STK3: variants seen among roughly 807,000 people sequenced by gnomAD.
STK3 encodes serine/threonine-protein kinase 3.
Under a neutral mutation model 58.0 loss-of-function variants are expected in STK3, and 41 were observed. The observed-to-expected ratio is 0.71, with a 90% CI of 0.55 to 0.92. The LOEUF (loss-of-function observed/expected upper bound fraction) is 0.92. Ranked by LOEUF, STK3 falls within the 40% of genes least tolerant of loss-of-function variation. The pLI is 0.00. For synonymous variants in STK3, 170 were observed against 191.0 expected, an observed-to-expected ratio of 0.89 and a Z score of 0.91; for missense variants, 479 against 602.7, an observed-to-expected ratio of 0.79 and a Z score of 2.15.
rs545733306 is a variant in STK3, at chr8:98,604,699, T to A, written c.685-8530A>T. On this transcript the variant is annotated intron_variant, in intron 6 of 10. Transcript: ENST00000419617. ...TTTTAGTTATGAAAATGGCTGCAGCTGGCTTTTGCACCCTCAAATAAGTTT... is the reference window on the plus strand; with the variant it reads ...TTTTAGTTATGAAAATGGCTGCAGCAGGCTTTTGCACCCTCAAATAAGTTT... Among the ~76,000 whole-genome samples the A allele has an allele frequency of 2.0e-5, 3 of 152,334 alleles. No individual in the cohort carries two copies. The East Asian group carries it at 5.8e-4, about 29-fold the overall frequency.
intron 3 of STK3, chr8:98,413,851 G>A: frequency 3.7e-6 from 2 of 542,750 alleles, no homozygotes; most frequent in Non-Finnish European, 6.9e-6. Flanking sequence ...GCCCAAGCCA[G>A]TAATGGTGTG....
At position 98,589,695 on chromosome 8, in the gene STK3, G is replaced by A. The variant is rs559173336; in HGVS notation, c.822+6337C>T. ...GGCAATGGCGGGCGCCCCTCCCCCAGCCTAGCTGCTGCCTTGCAGTTTGAT... is the reference window on the plus strand; with the variant it reads ...GGCAATGGCGGGCGCCCCTCCCCCAACCTAGCTGCTGCCTTGCAGTTTGAT... On this transcript the variant is annotated intron_variant, in intron 7 of 10. Transcript: ENST00000419617. 2.6e-4 allele frequency among the ~76,000 whole-genome samples: 39 copies of A among 152,346 alleles called. 1 individual carries two copies. The highest frequency in any genetic ancestry group is 3.4e-3 in the Middle Eastern group (1 of 294).
At chr8:98,776,824 G>A (rs1368406611) in intron 1 of STK3, among the ~76,000 whole-genome samples, 2 of 152,152 alleles carry the variant, frequency 1.3e-5, no homozygotes, top group African/African-American at 2.4e-5. Flanking sequence ...GGCCGAGGCG[G>A]TGGATCACGA....
rs1825968584 is a variant in STK3, at chr8:98,706,458, T to TG, written c.684+8_684+9insC. ...GGCTAACATTTTCAGCAAACCATAATTTTCTTACCCTCATTGGATGTATAT... is the reference window on the plus strand; with the variant it reads ...GGCTAACATTTTCAGCAAACCATAATGTTTCTTACCCTCATTGGATGTATAT... On this transcript the variant is annotated intron_variant, in intron 6 of 10. Coordinates refer to ENST00000419617, the MANE Select transcript of STK3 (RefSeq NM_006281.4). 1 of 1,598,906 alleles carries TG rather than the reference T, an allele frequency of 6.3e-7. No homozygotes were observed. The highest frequency in any genetic ancestry group is 8.5e-7 in the Non-Finnish European group (1 of 1,174,488).
rs190747063 is a variant in STK3, at chr8:98,734,926, A to C, written c.351+14350T>G. ...TATGGTTAAAATTATCAAGATACAC[A>C]TTTTTAAAATTAAGCAAAAAATTAA... On this transcript the variant is annotated intron_variant, in intron 4 of 10. Transcript: ENST00000419617. Among the ~76,000 whole-genome samples the C allele has an allele frequency of 2.0e-5, 3 of 152,254 alleles. No individual in the cohort carries two copies. In the South Asian group the frequency reaches 6.2e-4, roughly 32 times the overall value.
upstream of STK3, among the ~76,000 whole-genome samples, chr8:98,391,987 A>G (rs1817852001): frequency 1.3e-5 from 2 of 152,170 alleles, no homozygotes; most frequent in East Asian, 1.9e-4. Flanking sequence ...AGTTCACACA[A>G]TCTAATTGCA....
intron 3 of STK3, among the ~76,000 whole-genome samples, chr8:98,423,357 G>A (rs553811783): frequency 6.2e-4 from 95 of 152,388 alleles, no homozygotes; most frequent in Non-Finnish European, 1.1e-3. Flanking sequence ...GCCAAGCAGG[G>A]AGTGTGGTAG....
At chr8:98,648,998 A>C (rs1820644113) in intron 6 of STK3, among the ~76,000 whole-genome samples, 2 of 150,936 alleles carry the variant, frequency 1.3e-5, no homozygotes, top group African/African-American at 4.9e-5. Flanking sequence ...CAGATGTTGC[A>C]GTGAGCCAAG....
intron 6 of STK3, among the ~76,000 whole-genome samples, chr8:98,674,725 A>G (rs1357560492): frequency 6.6e-6 from 1 of 152,234 alleles, no homozygotes; most frequent in Non-Finnish European, 1.5e-5. Context: ...CTAATATCTC[A>G]GAAGAAAACT....
At chr8:98,703,167 A>G (rs760777981) in intron 6 of STK3, among the ~76,000 whole-genome samples, 2 of 152,184 alleles carry the variant, frequency 1.3e-5, no homozygotes, top group African/African-American at 4.8e-5. Flanking sequence ...TTGTGATTAC[A>G]TGGTTTTAAA....
intron 3 of STK3, among the ~76,000 whole-genome samples, chr8:98,848,036 T>C (rs1164101961): frequency 6.6e-6 from 1 of 152,108 alleles, no homozygotes; most frequent in Non-Finnish European, 1.5e-5. Flanking sequence ...CCTTCTTGTT[T>C]AAAAAAACAG....
chr8:98,814,677 TTTTTA>T (rs990738179), intron 1 of STK3, among the ~76,000 whole-genome samples: 2 of 151,942 alleles, frequency 1.3e-5, no homozygotes, highest in Non-Finnish European at 2.9e-5. Context: ...TGGCAAATTT[TTTTTA>T]TTTTTAGTTT....
At chr8:98,895,315 G>A (rs1021244781) in intron 1 of STK3, among the ~76,000 whole-genome samples, 3 of 152,122 alleles carry the variant, frequency 2.0e-5, no homozygotes, top group African/African-American at 7.2e-5. Flanking sequence ...TGAGGCTGCT[G>A]GTCCTCAAAC....
intron 1 of STK3, among the ~76,000 whole-genome samples, chr8:98,908,572 G>A (rs112486796): frequency 9.2e-5 from 14 of 152,152 alleles, no homozygotes; most frequent in Non-Finnish European, 2.1e-4. Context: ...ATGGCTGGGC[G>A]TGGTGGTTCA....
At chr8:98,878,993 G>A (rs1837692441), downstream of STK3, 1 of 150,474 alleles carries the variant, frequency 6.6e-6, no homozygotes, top group Admixed American at 6.6e-5. Context: ...CGGCCTCCTG[G>A]GTTCAAGGAA....
upstream of STK3, among the ~76,000 whole-genome samples, chr8:98,393,050 G>A (rs981387941): frequency 1.1e-4 from 17 of 152,104 alleles, no homozygotes; most frequent in African/African-American, 4.1e-4. Context: ...TCCACCCAAG[G>A]GCAACTTACT....
At chr8:98,586,657 G>C (rs1414214481) in intron 7 of STK3, among the ~76,000 whole-genome samples, 14 of 151,692 alleles carry the variant, frequency 9.2e-5, no homozygotes, top group Non-Finnish European at 8.8e-5. Flanking sequence ...GATTGGAATA[G>C]TTTCAGAAGG....
intron 3 of STK3, among the ~76,000 whole-genome samples, chr8:98,417,003 C>T (rs1214128591): frequency 6.6e-6 from 1 of 152,184 alleles, no homozygotes; most frequent in African/African-American, 2.4e-5. Context: ...CTCCTGAGAA[C>T]AGCTGTGACC....
intron 7 of STK3, chr8:98,594,819 G>A (rs911755936): frequency 2.0e-5 from 3 of 152,172 alleles, no homozygotes; most frequent in Admixed American, 1.3e-4. Context: ...TCATCAAAAA[G>A]CAAGTCTCCA....
Sources: gnomAD v4.1 joint callset for allele counts (sites outside exome capture counted in the v4.1 genomes callset) on GRCh38, gnomAD v4.1.1 for gene constraint, MANE v1.5 for transcripts, NCBI Gene and HGNC (gene_info 2026-07-23, HGNC 2026-07-21) for gene names.